Variants in ZNF682 observed in about 807,000 individuals in gnomAD.
ZNF682 encodes zinc finger protein 682.
Under a neutral mutation model 36.5 loss-of-function variants are expected in ZNF682, and 29 were observed. That is an observed-to-expected ratio of 0.80 (90% CI 0.59 to 1.08). The LOEUF (loss-of-function observed/expected upper bound fraction) is 1.08, where lower values mean the gene tolerates loss of function less well. Among genes scored for constraint, ZNF682 ranks in the 50% least tolerant of loss-of-function variants. The probability of loss-of-function intolerance (pLI) is 0.00; values close to 1 mark genes in which losing one functional copy is unlikely to be tolerated. For missense variants in ZNF682, 561 were observed against 579.7 expected (o/e 0.97, Z 0.33); for synonymous variants, 180 against 197.0 (o/e 0.91, Z 0.72).
chr19:20,003,190 C>CAAAAAAAAAAAAAAA, downstream of ZNF682, among the ~76,000 whole-genome samples: 1 of 33,084 alleles, frequency 3.0e-5, no homozygotes, highest in Non-Finnish European at 4.6e-5. Flanking sequence ...GACTCCGTCT[C>CAAAAAAAAAAAAAAA]AAAAAAAAAA....
intron 1 of ZNF682, among the ~76,000 whole-genome samples, chr19:20,027,766 CA>C (rs1383275918): frequency 8.3e-6 from 1 of 120,572 alleles, no homozygotes; most frequent in Non-Finnish European, 1.7e-5. Context: ...TCTAAAAAAA[CA>C]AAAAAGAAAA....
intron 3 of ZNF682, chr19:20,015,259 C>T: frequency 2.0e-6 from 2 of 985,190 alleles, no homozygotes; most frequent in Non-Finnish European, 2.4e-6. Context: ...ATTCTCATGA[C>T]TCCTCATCTA....
intron 3 of ZNF682, among the ~76,000 whole-genome samples, chr19:19,998,364 G>T (rs1599597784): frequency 6.6e-6 from 1 of 152,166 alleles, no homozygotes; most frequent in Non-Finnish European, 1.5e-5. Flanking sequence ...GAATCTCACA[G>T]GTGTGAGTTG....
chr19:20,019,173 A>G (rs892877035), intron 3 of ZNF682, among the ~76,000 whole-genome samples: 2 of 152,140 alleles, frequency 1.3e-5, no homozygotes, highest in African/African-American at 2.4e-5. Flanking sequence ...TTAGACCAAC[A>G]CAAAGTAAAA....
intron 1 of ZNF682, among the ~76,000 whole-genome samples, chr19:20,038,613 T>TAAGA (rs2088554956): frequency 6.9e-6 from 1 of 145,002 alleles, no homozygotes; most frequent in African/African-American, 2.6e-5. Flanking sequence ...GTTCCTACAT[T>TAAGA]AAAAAAAAAA....
At chr19:20,003,062 G>A (rs1223104538), downstream of ZNF682, among the ~76,000 whole-genome samples, 3 of 150,756 alleles carry the variant, frequency 2.0e-5, no homozygotes, top group African/African-American at 4.9e-5. Context: ...GTGGTGGTGG[G>A]CGCCTGTAGT....
At position 20,016,765 on chromosome 19, in the gene ZNF682, C is replaced by T. The variant is rs543470156; in HGVS notation, c.226+6239G>A. 2.4e-4 allele frequency among the ~76,000 whole-genome samples: 37 copies of T among 152,176 alleles called. No homozygotes were observed. The South Asian group carries it at 7.3e-3, about 30-fold the overall frequency. Reference sequence around the variant, plus strand: ...AAACAAAAGCTGTCAGTCTTTGTCACCATGTGTATAGTTCTATAAGAAATG... The same window carrying T: ...AAACAAAAGCTGTCAGTCTTTGTCATCATGTGTATAGTTCTATAAGAAATG... On this transcript the variant is annotated intron_variant, in intron 3 of 3. Coordinates refer to ENST00000397165, the MANE Select transcript of ZNF682 (RefSeq NM_033196.3).
At position 20,006,093 on chromosome 19, in the gene ZNF682, T is replaced by TC. The variant is rs2088213701; in HGVS notation, c.1408dup (p.Glu470GlyfsTer3). 6.2e-7 allele frequency: 1 copy of TC among 1,613,982 alleles called. No individual in the cohort carries two copies. The highest frequency in any genetic ancestry group is 8.5e-7 in the Non-Finnish European group (1 of 1,179,990). On this transcript the variant is annotated frameshift_variant, in exon 4 of 4. Transcript: ENST00000397165. LOFTEE classifies it high-confidence loss of function. ...CTCTCCTCTTTGAACTCTCTTATGT[T>TC]CATTAAGATGTGAGCACCGTTTAAA...
At chr19:20,034,641 C>T (rs1245766212) in intron 1 of ZNF682, among the ~76,000 whole-genome samples, 2 of 151,408 alleles carry the variant, frequency 1.3e-5, no homozygotes, top group African/African-American at 4.9e-5. Flanking sequence ...GGCTTGGTGG[C>T]GCATGCCTGT....
chr19:20,036,569 G>A (rs538928128), intron 1 of ZNF682, among the ~76,000 whole-genome samples: 2 of 130,316 alleles, frequency 1.5e-5, no homozygotes, highest in South Asian at 2.4e-4. Flanking sequence ...TTGTGCCACT[G>A]CACTCCAGCC....
chr19:20,028,622 C>G (rs1332890096), intron 1 of ZNF682, among the ~76,000 whole-genome samples: 2 of 152,168 alleles, frequency 1.3e-5, no homozygotes, highest in Non-Finnish European at 2.9e-5. Flanking sequence ...AGCGCCACAG[C>G]ACACAGTCCC....
At chr19:20,013,211 A>G (rs1483132386) in intron 3 of ZNF682, among the ~76,000 whole-genome samples, 1 of 152,140 alleles carries the variant, frequency 6.6e-6, no homozygotes, top group Admixed American at 6.5e-5. Flanking sequence ...GTTATAAAAT[A>G]TACTGTAGTC....
intron 1 of ZNF682, among the ~76,000 whole-genome samples, chr19:20,036,668 C>T (rs1366853697): frequency 7.0e-6 from 1 of 143,536 alleles, no homozygotes. Flanking sequence ...AAAAAAGGTA[C>T]ATATAAAAGT....
rs780134798 is a variant in ZNF682 at position 20,005,329 on chromosome 19, C to T, written c.*676G>A. ...CCGCCTGCCTCGGCCTCCCAAAGTGCTGGGATTATAAGTGTGAGCCACCGC... is the reference window on the plus strand; with the variant it reads ...CCGCCTGCCTCGGCCTCCCAAAGTGTTGGGATTATAAGTGTGAGCCACCGC... On this transcript the variant is annotated 3_prime_UTR_variant, in exon 4 of 4. Transcript: ENST00000397165. 2 of 152,162 alleles carry T rather than the reference C, an allele frequency of 1.3e-5. No individual in the cohort carries two copies. Among genetic ancestry groups the T allele is most frequent in the Non-Finnish European group, 2.9e-5 (2 of 68,040 alleles). The allele number at this position is 152,162 out of a possible 1,614,324, so 9.4% of individuals were successfully genotyped here.
chr19:20,006,568 G>C lies in ZNF682; in HGVS notation c.934C>G (p.Pro312Ala). The C allele has an allele frequency of 1.9e-6, 3 of 1,614,134 alleles. No individual in the cohort carries two copies. The South Asian group carries it at 3.3e-5, about 18-fold the overall frequency. The stretch of plus-strand genomic sequence containing the variant: ...TTCCCACATTCTTTACATTTGTAGG[G>C]TTTCTTTCCAGTGTGAATTGTCTTA... ...KHKTIHTGKK[P>A]YKCKECGKAF... Residue 312 changes from proline (P) to alanine (A), a missense_variant, in exon 4 of 4, where the codon CCC (proline) becomes GCC (alanine). By Grantham distance (27) the Pro-to-Ala change is conservative. Coordinates refer to ENST00000397165, the MANE Select transcript of ZNF682 (RefSeq NM_033196.3).
At chr19:20,011,002 CAA>C (rs765913434) in intron 3 of ZNF682, among the ~76,000 whole-genome samples, 2 of 151,516 alleles carry the variant, frequency 1.3e-5, no homozygotes, top group Non-Finnish European at 2.9e-5. Context: ...AAAAAAGACA[CAA>C]AGTGGCAAAT....
At chr19:19,999,953 T>C (rs1183337590), downstream of ZNF682, among the ~76,000 whole-genome samples, 3 of 152,202 alleles carry the variant, frequency 2.0e-5, no homozygotes, top group African/African-American at 7.2e-5. Flanking sequence ...AAATAGACAA[T>C]GGCTTTTACT....
downstream of ZNF682, among the ~76,000 whole-genome samples, chr19:20,003,524 G>C (rs947304322): frequency 4.6e-5 from 7 of 151,814 alleles, no homozygotes; most frequent in African/African-American, 1.7e-4. Context: ...CTAACATGGT[G>C]AAACCCCGTC....
At chr19:20,019,409 T>C (rs945837504) in intron 3 of ZNF682, among the ~76,000 whole-genome samples, 10 of 152,196 alleles carry the variant, frequency 6.6e-5, no homozygotes, top group African/African-American at 1.9e-4. Context: ...TTTGATACTG[T>C]TCTTGGCAGT....
Sources: allele counts gnomAD v4.1 joint callset (sites outside exome capture counted in the v4.1 genomes callset), GRCh38; gene constraint gnomAD v4.1.1; transcripts MANE v1.5; gene names NCBI Gene and HGNC (gene_info 2026-07-23, HGNC 2026-07-21).